The following FAM227A variants were observed in gnomAD, a reference collection of about 807,000 sequenced individuals.
FAM227A encodes the protein protein FAM227A.
Under a neutral mutation model 74.7 loss-of-function variants are expected in FAM227A, and 80 were observed. The ratio of observed to expected loss-of-function variants is 1.07; its 90% confidence interval spans 0.89 to 1.29. FAM227A has a LOEUF of 1.29. Among genes scored for constraint, FAM227A ranks in the 50% most tolerant of loss-of-function variants. The probability of loss-of-function intolerance (pLI) is 0.00; values close to 1 mark genes in which losing one functional copy is unlikely to be tolerated. For missense variants in FAM227A, 654 were observed against 683.4 expected (o/e 0.96, Z 0.48); for synonymous variants, 237 against 241.8 (o/e 0.98, Z 0.19).
At chr22:38,617,965 A>T (rs7290483) in intron 11 of FAM227A, among the ~76,000 whole-genome samples, 8 of 152,128 alleles carry the variant, frequency 5.3e-5, no homozygotes, top group East Asian at 1.9e-4. Context: ...TAAACCAATT[A>T]AAAAAAAGAT....
At chr22:38,639,764 G>A (rs1364738312) in intron 3 of FAM227A, 40 bp from the exon 4 acceptor site, 2 of 1,366,488 alleles carry the variant, frequency 1.5e-6, no homozygotes, top group African/African-American at 2.9e-5. Context: ...AGGGATTAAT[G>A]CAAATCCTGG....
chr22:38,616,066 T>A (rs2091569237), intron 11 of FAM227A, among the ~76,000 whole-genome samples: 2 of 151,978 alleles, frequency 1.3e-5, no homozygotes, highest in Non-Finnish European at 2.9e-5. Context: ...GGAGAATATG[T>A]AGATACAGTA....
chr22:38,645,588 C>G lies in FAM227A; in HGVS notation c.200G>C (p.Arg67Pro). The change falls in exon 3 of 17, where the codon CGT (arginine) becomes CCT (proline). Residue 67 changes from arginine to proline, a missense_variant. By Grantham distance (103) the Arg-to-Pro change is moderately radical. Coordinates refer to ENST00000535113, the MANE Select transcript of FAM227A (RefSeq NM_001013647.2). The stretch of plus-strand genomic sequence containing the variant: ...CAGGCTGTTGGCCGACGGCTCGGTA[C>G]GCAGATTTATGTCAGCAATCTTTTG... ...VNQKIADINL[R>P]TEPSANSLAI... 1 of 1,551,318 alleles carries G rather than the reference C, an allele frequency of 6.4e-7. No homozygotes were observed. Among genetic ancestry groups the G allele is most frequent in the Non-Finnish European group, 8.7e-7 (1 of 1,146,870 alleles).
chr22:38,642,594 T>C (rs574008844), intron 3 of FAM227A, among the ~76,000 whole-genome samples: 1 of 152,314 alleles, frequency 6.6e-6, no homozygotes, highest in African/African-American at 2.4e-5. Context: ...AAGTCACATA[T>C]TAGGAGAAAA....
At chr22:38,649,872 AAAAAAAAGAAAG>A (rs2092297930) in intron 2 of FAM227A, 143 bp downstream of exon 2, 1 of 717,886 alleles carries the variant, frequency 1.4e-6, no homozygotes, top group East Asian at 3.0e-5. Flanking sequence ...CATCTCAAAA[AAAAAAAAGAAAG>A]AAAAGAAAAG....
rs947588468 is a variant in FAM227A, at chr22:38,597,770, C to A, written c.1380-414G>T. Among the ~76,000 whole-genome samples the A allele has an allele frequency of 3.1e-4, 47 of 152,036 alleles. 1 individual carries two copies. Among genetic ancestry groups the A allele is most frequent in the Admixed American group, 2.8e-3 (42 of 15,254 alleles). On this transcript the variant is annotated intron_variant, in intron 14 of 16. Coordinates refer to ENST00000535113, the MANE Select transcript of FAM227A (RefSeq NM_001013647.2). ...CATCTCGTTTGTATATAAAAATATT[C>A]TTGGCCAGGCGCGGTGTAATCCCAG...
At chr22:38,594,322 A>T (rs552062474) in intron 15 of FAM227A, among the ~76,000 whole-genome samples, 1 of 152,210 alleles carries the variant, frequency 6.6e-6, no homozygotes, top group Admixed American at 6.5e-5. Context: ...CTCCCCTTAC[A>T]GAATATTCTG....
chr22:38,645,915 C>T (rs2092227663), intron 2 of FAM227A, among the ~76,000 whole-genome samples: 1 of 152,064 alleles, frequency 6.6e-6, no homozygotes, highest in Non-Finnish European at 1.5e-5. Flanking sequence ...TCCCAAGTAG[C>T]TGGGACTACT....
chr22:38,655,890 T>C (rs1016858151), intron 1 of FAM227A, among the ~76,000 whole-genome samples: 2 of 152,220 alleles, frequency 1.3e-5, no homozygotes, highest in Non-Finnish European at 2.9e-5. Context: ...GTAAACTCCT[T>C]GAACGGCCTA....
chr22:38,639,626 A>G, intron 4 of FAM227A, 29 bp downstream of exon 4: 1 of 1,549,922 alleles, frequency 6.5e-7, no homozygotes, highest in Middle Eastern at 1.7e-4. Flanking sequence ...CCATGAAAAG[A>G]GCATCAAGGC....
rs950555010 is a variant in FAM227A, at chr22:38,650,070, T to C, written c.99A>G (p.Thr33=). 1.3e-6 allele frequency: 2 copies of C among 1,552,178 alleles called. No individual in the cohort carries two copies. The highest frequency in any genetic ancestry group is 2.7e-5 in the African/African-American group (2 of 73,156). ...ACTCCTTCCTCACAGTCTTCACCAT[T>C]GTATTCCGTGCGACAAGCGAGACAG... ...HLAVSLVARN[T]MVKTVRKELE... is the part of the protein sequence containing the mutation. Residue 33 remains threonine (T), a synonymous_variant, in exon 2 of 17, where the codon ACA becomes ACG. Coordinates refer to ENST00000535113, the MANE Select transcript of FAM227A (RefSeq NM_001013647.2).
chr22:38,602,612 A>G (rs1298290064), intron 13 of FAM227A, among the ~76,000 whole-genome samples: 2 of 152,194 alleles, frequency 1.3e-5, no homozygotes, highest in African/African-American at 2.4e-5. Context: ...GATATTAATG[A>G]CTTTCTTTTA....
rs141334783 is a variant in FAM227A at position 38,653,528 on chromosome 22, C to G, written c.-95+2592G>C. 2.1e-3 allele frequency among the ~76,000 whole-genome samples: 312 copies of G among 152,172 alleles called. 1 individual carries two copies. The highest frequency in any genetic ancestry group is 7.2e-3 in the African/African-American group (301 of 41,522). ...AGTAGCTGGGATTACAGGTGCACGC[C>G]ACCATGCCTGGCTAATTTTTGTATT... On this transcript the variant is annotated intron_variant, in intron 1 of 16. Transcript: ENST00000535113.
chr22:38,631,503 TCA>T (rs2091914691), intron 6 of FAM227A, among the ~76,000 whole-genome samples: 1 of 152,152 alleles, frequency 6.6e-6, no homozygotes, highest in Non-Finnish European at 1.5e-5. Context: ...TATACTCATG[TCA>T]CACACATGCA....
chr22:38,586,561 C>T (rs2146111900), intron 16 of FAM227A, among the ~76,000 whole-genome samples: 1 of 152,358 alleles, frequency 6.6e-6, no homozygotes, highest in South Asian at 2.1e-4. Flanking sequence ...ATCTGCTTCA[C>T]ACCTCCAGAT....
intron 11 of FAM227A, among the ~76,000 whole-genome samples, chr22:38,609,383 G>T (rs2091361600): frequency 6.6e-6 from 1 of 152,144 alleles, no homozygotes; most frequent in Admixed American, 6.5e-5. Context: ...AACAGATATT[G>T]GGAAACAACT....
At chr22:38,651,789 C>CA (rs2092326639) in intron 1 of FAM227A, among the ~76,000 whole-genome samples, 1 of 131,428 alleles carries the variant, frequency 7.6e-6, no homozygotes, top group African/African-American at 3.0e-5. Flanking sequence ...CTGTGGCAAG[C>CA]AATATGATGT....
At position 38,599,893 on chromosome 22, in the gene FAM227A, A is replaced by G. The variant is rs2091135185; in HGVS notation, c.1250T>C (p.Leu417Pro). ...ATAAATGTTGAAGAGGTTTGAAGTC[A>G]GCTCAGGGCTTTTGCAGGCAGCACA... Reference protein sequence around the residue: ...KSCAACKSPELTSNLFNIYGK... With the variant: ...KSCAACKSPEPTSNLFNIYGK... The change falls in exon 14 of 17, where the codon CTG (leucine) becomes CCG (proline). Residue 417 changes from leucine (L) to proline (P), a missense_variant. Physicochemically the swap from Leu to Pro is moderately conservative, Grantham distance 98. Transcript: ENST00000535113. 2 of 1,550,238 alleles carry G rather than the reference A, an allele frequency of 1.3e-6. No individual in the cohort carries two copies. The highest frequency in any genetic ancestry group is 1.7e-6 in the Non-Finnish European group (2 of 1,146,488).
In FAM227A at chr22:38,582,478, G is replaced by T; in HGVS notation, c.*3647C>A. 6.7e-7 allele frequency: 1 copy of T among 1,484,018 alleles called. No homozygotes were observed. The highest frequency in any genetic ancestry group is 9.2e-7 in the Non-Finnish European group (1 of 1,091,156). 91.9% of individuals were successfully genotyped at this position (1,484,018 alleles called of 1,614,324 possible). ...ACATTACAGCAAATGCTTTTTAAAT[G>T]TTAGTTCCCTTTGATGCTCTACCCC... On this transcript the variant is annotated 3_prime_UTR_variant, in exon 17 of 17. Coordinates refer to ENST00000535113, the MANE Select transcript of FAM227A (RefSeq NM_001013647.2).
Sources: allele counts gnomAD v4.1 joint callset (sites outside exome capture counted in the v4.1 genomes callset), GRCh38; gene constraint gnomAD v4.1.1; transcripts MANE v1.5; gene names NCBI Gene and HGNC (gene_info 2026-07-23, HGNC 2026-07-21).